Variants in RAB7A observed in about 807,000 individuals in gnomAD.
The protein encoded by RAB7A is ras-related protein Rab-7a.
Under a neutral mutation model 24.5 loss-of-function variants are expected in RAB7A, and 2 were observed. The ratio of observed to expected loss-of-function variants is 0.08; its 90% CI spans 0.03 to 0.26. RAB7A has a LOEUF of 0.26. Ranked by LOEUF, RAB7A falls within the 10% of genes least tolerant of loss-of-function variation. RAB7A has a pLI of 1.00. For synonymous variants in RAB7A, 100 were observed against 95.9 expected (o/e 1.04, Z -0.25); for missense variants, 118 against 255.7 (o/e 0.46, Z 3.67).
chr3:128,811,377 A>G (rs1933923212), intron 5 of RAB7A, among the ~76,000 whole-genome samples: 1 of 152,218 alleles, frequency 6.6e-6, no homozygotes, highest in African/African-American at 2.4e-5. Context: ...TAATAGCCAA[A>G]AAGTAAGAAC....
chr3:128,764,688 A>G (rs1489809302), intron 1 of RAB7A: 1 of 836,296 alleles, frequency 1.2e-6, no homozygotes, highest in Admixed American at 1.7e-5. Context: ...ACTGATTCAC[A>G]TTTTTTTCCA....
At chr3:128,801,322 A>C (rs1933693703) in intron 3 of RAB7A, among the ~76,000 whole-genome samples, 2 of 152,232 alleles carry the variant, frequency 1.3e-5, no homozygotes, top group Admixed American at 1.3e-4. Context: ...TCATCTCTAC[A>C]AAAAAATTTT....
chr3:128,729,342 A>C (rs950790274), intron 1 of RAB7A, among the ~76,000 whole-genome samples: 1 of 152,128 alleles, frequency 6.6e-6, no homozygotes, highest in Non-Finnish European at 1.5e-5. Context: ...AGGCCGAGGC[A>C]GGTGGATCAT....
At position 128,764,443 on chromosome 3, in the gene RAB7A, C is replaced by T. The variant is rs138822538; in HGVS notation, c.-8-30917C>T. ...AGTGACCAGGGAATTCGCCCCATGG[C>T]TATGGGGAAATTAGCCTGAGGCTTA... On this transcript the variant is annotated intron_variant, in intron 1 of 5. Coordinates refer to ENST00000265062, the MANE Select transcript of RAB7A (RefSeq NM_004637.6). The T allele has an allele frequency of 4.3e-3, 3,278 of 754,620 alleles. 58 individuals are homozygous for T. Among genetic ancestry groups the T allele is most frequent in the African/African-American group, 0.039 (2,324 of 59,010 alleles). 46.7% of individuals were successfully genotyped at this position (754,620 alleles called of 1,614,324 possible). A position where few individuals can be genotyped will look rare whatever the true frequency, so the allele number is the denominator to read the frequency against.
intron 5 of RAB7A, among the ~76,000 whole-genome samples, chr3:128,810,367 C>T (rs1933898984): frequency 6.6e-6 from 1 of 151,938 alleles, no homozygotes; most frequent in African/African-American, 2.4e-5. Flanking sequence ...CTGTTTTTTC[C>T]TCATTGATTG....
At chr3:128,732,528 A>C (rs1015648987) in intron 1 of RAB7A, among the ~76,000 whole-genome samples, 12 of 152,044 alleles carry the variant, frequency 7.9e-5, no homozygotes, top group African/African-American at 1.2e-4. Flanking sequence ...CTTTAATGAG[A>C]TTGAACTCTT....
chr3:128,804,151 A>C (rs975020556), intron 3 of RAB7A, among the ~76,000 whole-genome samples: 3 of 149,944 alleles, frequency 2.0e-5, no homozygotes, highest in African/African-American at 7.5e-5. Flanking sequence ...TTAGACTTCA[A>C]CTTCAACTTA....
intron 1 of RAB7A, among the ~76,000 whole-genome samples, chr3:128,729,268 A>T (rs909765427): frequency 5.9e-5 from 9 of 151,996 alleles, no homozygotes; most frequent in African/African-American, 1.7e-4. Context: ...TGGTTATTTG[A>T]TTAGCTTTTA....
At chr3:128,779,271 G>A (rs974920607) in intron 1 of RAB7A, among the ~76,000 whole-genome samples, 7 of 151,890 alleles carry the variant, frequency 4.6e-5, no homozygotes, top group Non-Finnish European at 8.8e-5. Flanking sequence ...AAAATTTGCC[G>A]GGTGTGGTGG....
intron 1 of RAB7A, among the ~76,000 whole-genome samples, chr3:128,768,775 C>T (rs2070856474): frequency 6.8e-6 from 1 of 148,142 alleles, no homozygotes; most frequent in Non-Finnish European, 1.5e-5. Flanking sequence ...GTTGTCTAGG[C>T]TGCTCTCAAA....
At chr3:128,727,424 G>A (rs749698841) in intron 1 of RAB7A, among the ~76,000 whole-genome samples, 8 of 152,204 alleles carry the variant, frequency 5.3e-5, no homozygotes, top group Non-Finnish European at 1.0e-4. Context: ...CCTGGTATCT[G>A]TACCTCAGTG....
chr3:128,736,664 A>C (rs987214235), intron 1 of RAB7A, among the ~76,000 whole-genome samples: 1 of 152,190 alleles, frequency 6.6e-6, no homozygotes, highest in Admixed American at 6.5e-5. Context: ...TGTTAAATAA[A>C]GTTATTTAAC....
chr3:128,730,355 G>A (rs1230223897), intron 1 of RAB7A, among the ~76,000 whole-genome samples: 4 of 151,432 alleles, frequency 2.6e-5, no homozygotes, highest in South Asian at 2.1e-4. Context: ...TCAGCCTCCC[G>A]AGTAGCTGGG....
At chr3:128,729,370 A>C (rs1007688678) in intron 1 of RAB7A, among the ~76,000 whole-genome samples, 1 of 152,146 alleles carries the variant, frequency 6.6e-6, no homozygotes, top group African/African-American at 2.4e-5. Context: ...GGAGATCGAG[A>C]CCATCCTGGC....
chr3:128,810,580 G>A (rs1933902180), intron 5 of RAB7A, among the ~76,000 whole-genome samples: 1 of 152,278 alleles, frequency 6.6e-6, no homozygotes, highest in South Asian at 2.1e-4. Context: ...CCTTTCTGCT[G>A]TGTGCACAGA....
At position 128,737,825 on chromosome 3, in the gene RAB7A, G is replaced by GTTTTTTTT. The variant is rs56027163; in HGVS notation, c.-9+11491_-9+11498dup. ...CACCACATCTGGCTATTTTTTTGTA[G>GTTTTTTTT]TTTTTTTTTTTTTTTTTTTTTTTTT... On this transcript the variant is annotated intron_variant, in intron 1 of 5. Coordinates refer to ENST00000265062, the MANE Select transcript of RAB7A (RefSeq NM_004637.6). Among the ~76,000 whole-genome samples the GTTTTTTTT allele has an allele frequency of 8.7e-4, 52 of 59,492 alleles. 11 individuals are homozygous for GTTTTTTTT. Among genetic ancestry groups the GTTTTTTTT allele is most frequent in the South Asian group, 2.3e-3 (2 of 864 alleles). 39.0% of individuals were successfully genotyped at this position (59,492 alleles called of 152,430 possible).
intron 1 of RAB7A, among the ~76,000 whole-genome samples, chr3:128,739,712 A>G (rs954233694): frequency 2.6e-5 from 4 of 152,230 alleles, no homozygotes; most frequent in African/African-American, 9.6e-5. Flanking sequence ...TGACTGTATA[A>G]TATTGATCAT....
chr3:128,733,803 A>G (rs1439945632), intron 1 of RAB7A, among the ~76,000 whole-genome samples: 20 of 152,230 alleles, frequency 1.3e-4, no homozygotes, highest in Admixed American at 1.3e-3. Context: ...TAGAATTTCA[A>G]CTTAAAAATT....
intron 1 of RAB7A, among the ~76,000 whole-genome samples, chr3:128,729,298 C>T (rs1051522534): frequency 3.9e-5 from 6 of 152,022 alleles, no homozygotes; most frequent in Admixed American, 3.3e-4. Flanking sequence ...CAGCTGGGCA[C>T]GGTGGCTCAC....
Sources: allele counts gnomAD v4.1 joint callset (sites outside exome capture counted in the v4.1 genomes callset), GRCh38; gene constraint gnomAD v4.1.1; transcripts MANE v1.5; gene names NCBI Gene and HGNC (gene_info 2026-07-23, HGNC 2026-07-21).